MTMR7: variants seen among roughly 807,000 people sequenced by gnomAD.
MTMR7 encodes phosphatidylinositol-3-phosphate phosphatase MTMR7.
Under a neutral mutation model 81.2 loss-of-function variants are expected in MTMR7, and 76 were observed. The observed-to-expected ratio is 0.94, with a 90% CI of 0.78 to 1.13. The LOEUF (loss-of-function observed/expected upper bound fraction) is 1.13, where lower values mean the gene tolerates loss of function less well. Ranked by LOEUF, MTMR7 falls within the 50% of genes most tolerant of loss-of-function variation. The pLI is 0.00. For missense variants in MTMR7, 1,044 were observed against 820.0 expected (o/e 1.27, Z -3.34); for synonymous variants, 372 against 289.8 (o/e 1.28, Z -2.88).
At chr8:17,303,982 T>C (rs940917675) in intron 12 of MTMR7, among the ~76,000 whole-genome samples, 11 of 152,212 alleles carry the variant, frequency 7.2e-5, no homozygotes, top group Non-Finnish European at 1.5e-4. Context: ...GGTTTTTGCC[T>C]TTTTGTTGTA....
intron 3 of MTMR7, among the ~76,000 whole-genome samples, chr8:17,364,790 C>A (rs542819897): frequency 6.6e-6 from 1 of 152,260 alleles, no homozygotes; most frequent in East Asian, 1.9e-4. Flanking sequence ...TTTGTATATA[C>A]CATGTTTTCT....
chr8:17,306,188 AAAGT>A (rs1817445540), intron 10 of MTMR7, among the ~76,000 whole-genome samples: 1 of 152,212 alleles, frequency 6.6e-6, no homozygotes, highest in Non-Finnish European at 1.5e-5. Context: ...GTTACAAAAG[AAAGT>A]GTTAGTGCAA....
At chr8:17,371,676 G>A (rs754791382) in intron 2 of MTMR7, among the ~76,000 whole-genome samples, 5 of 152,000 alleles carry the variant, frequency 3.3e-5, no homozygotes, top group Non-Finnish European at 7.4e-5. Context: ...AGCTGTTGGT[G>A]GTCGGGCAGG....
chr8:17,401,345 G>T (rs890526498), intron 1 of MTMR7, among the ~76,000 whole-genome samples: 3 of 152,122 alleles, frequency 2.0e-5, no homozygotes, highest in Non-Finnish European at 2.9e-5. Context: ...GTGCAAAGGT[G>T]TTGAAAAAGG....
At chr8:17,336,260 G>T (rs538725447) in intron 6 of MTMR7, among the ~76,000 whole-genome samples, 1 of 152,162 alleles carries the variant, frequency 6.6e-6, no homozygotes, top group South Asian at 2.1e-4. Flanking sequence ...GAAGACACCC[G>T]GCGGCTGAGC....
intron 7 of MTMR7, among the ~76,000 whole-genome samples, chr8:17,321,473 C>A (rs1563330756): frequency 6.6e-6 from 1 of 152,178 alleles, no homozygotes; most frequent in African/African-American, 2.4e-5. Context: ...AAGTTAACCA[C>A]TGAGAGGGTG....
At chr8:17,305,634 T>C in intron 11 of MTMR7, 123 bp downstream of exon 11, 1 of 725,114 alleles carries the variant, frequency 1.4e-6, no homozygotes, top group Non-Finnish European at 2.2e-6. Flanking sequence ...ATAAAACTAA[T>C]CTGTCAGTAT....
At chr8:17,407,935 C>A (rs901701809) in intron 1 of MTMR7, among the ~76,000 whole-genome samples, 1 of 152,138 alleles carries the variant, frequency 6.6e-6, no homozygotes, top group African/African-American at 2.4e-5. Flanking sequence ...CCGTCTATCA[C>A]AGACAGAACT....
Position 17,298,644 on chromosome 8 carries a change from C to G in MTMR7, c.*1218G>C, listed in dbSNP as rs1173587660. The G allele has an allele frequency of 1.3e-5, 2 of 152,178 alleles. No individual in the cohort carries two copies. The highest frequency in any genetic ancestry group is 2.9e-5 in the Non-Finnish European group (2 of 67,896). The allele number at this position is 152,178 out of a possible 1,614,324, so 9.4% of individuals were successfully genotyped here. ...TTGATCTAAATTGTAAAGTTTAATC[C>G]TTTTACATTCTAGAATGTACTAATA... On this transcript the variant is annotated 3_prime_UTR_variant, in exon 14 of 14. Transcript: ENST00000180173.
At chr8:17,405,835 TACACACACACACACACAC>T (rs36233628) in intron 1 of MTMR7, among the ~76,000 whole-genome samples, 7,438 of 121,028 alleles carry the variant, frequency 0.061, 558 homozygotes, top group African/African-American at 0.16. Flanking sequence ...CCCAAAACTA[TACACACACACACACACAC>T]ACACACACAC....
intron 1 of MTMR7, among the ~76,000 whole-genome samples, chr8:17,394,253 C>T (rs1415028762): frequency 1.3e-5 from 2 of 152,172 alleles, no homozygotes; most frequent in Admixed American, 6.5e-5. Context: ...CATAAATGTT[C>T]ATAGCAGCAC....
intron 7 of MTMR7, among the ~76,000 whole-genome samples, chr8:17,322,445 T>C (rs555057684): frequency 6.6e-6 from 1 of 152,226 alleles, no homozygotes; most frequent in African/African-American, 2.4e-5. Flanking sequence ...TGTATCATGG[T>C]AACCTGTACT....
At position 17,299,828 on chromosome 8, in the gene MTMR7, T is replaced by C; in HGVS notation, c.*34A>G. ...CCCTTGTTTTTGGAAGTGTTGCTTA[T>C]GTGTCCTTTACTTTGGAACTCCAAA... On this transcript the variant is annotated 3_prime_UTR_variant, in exon 14 of 14. Transcript: ENST00000180173. 6.2e-7 allele frequency: 1 copy of C among 1,608,152 alleles called. No individual in the cohort carries two copies. Among genetic ancestry groups the C allele is most frequent in the Non-Finnish European group, 8.5e-7 (1 of 1,176,112 alleles).
At chr8:17,393,456 A>G (rs57228977) in intron 1 of MTMR7, among the ~76,000 whole-genome samples, 7,032 of 152,292 alleles carry the variant, frequency 0.046, 243 homozygotes, top group Non-Finnish European at 0.07. Context: ...ATGAAAGAAA[A>G]TATTTGCAAG....
intron 1 of MTMR7, among the ~76,000 whole-genome samples, chr8:17,402,894 C>G (rs1355177502): frequency 6.6e-6 from 1 of 152,188 alleles, no homozygotes; most frequent in Non-Finnish European, 1.5e-5. Context: ...TTCTTCTTAT[C>G]CTTGCCAGCA....
chr8:17,375,220 G>C (rs945989364), intron 1 of MTMR7, among the ~76,000 whole-genome samples: 13 of 152,228 alleles, frequency 8.5e-5, no homozygotes, highest in African/African-American at 2.9e-4. Context: ...AGAGCAAACA[G>C]GACCCAAGAC....
chr8:17,381,490 A>C (rs900649806), intron 1 of MTMR7, among the ~76,000 whole-genome samples: 2 of 152,174 alleles, frequency 1.3e-5, no homozygotes, highest in Non-Finnish European at 2.9e-5. Context: ...AGTGCTGAAC[A>C]TTCAGGGTTC....
intron 3 of MTMR7, among the ~76,000 whole-genome samples, chr8:17,368,099 G>A (rs1247024131): frequency 2.0e-5 from 3 of 151,960 alleles, no homozygotes; most frequent in African/African-American, 7.2e-5. Context: ...GGGGTTGGGG[G>A]ATAGTTTCAG....
At chr8:17,352,972 GA>G (rs1819772747) in intron 4 of MTMR7, among the ~76,000 whole-genome samples, 1 of 152,172 alleles carries the variant, frequency 6.6e-6, no homozygotes, top group Non-Finnish European at 1.5e-5. Context: ...CTTGAAAGCA[GA>G]ATCTCCAAGA....
Sources: gnomAD v4.1 joint callset for allele counts (sites outside exome capture counted in the v4.1 genomes callset) on GRCh38, gnomAD v4.1.1 for gene constraint, MANE v1.5 for transcripts, NCBI Gene and HGNC (gene_info 2026-07-23, HGNC 2026-07-21) for gene names.